Variants in NAALADL2 observed in about 807,000 individuals in gnomAD.
NAALADL2 encodes N-acetylated alpha-linked acidic dipeptidase like 2.
A neutral mutation model predicts 87.2 loss-of-function variants in NAALADL2; 76 were observed. The observed-to-expected ratio is 0.87, with a 90% CI of 0.72 to 1.05. The LOEUF is 1.05. Ranked by LOEUF, NAALADL2 falls within the 50% of genes least tolerant of loss-of-function variation. The pLI, the probability that NAALADL2 is intolerant of heterozygous loss-of-function variation, is 0.00. For synonymous variants in NAALADL2, 354 were observed against 331.0 expected, an observed-to-expected ratio of 1.07 and a Z score of -0.75; for missense variants, 1,089 against 945.8, an observed-to-expected ratio of 1.15 and a Z score of -1.99.
At chr3:174,988,019 G>A (rs1196614862) in intron 1 of NAALADL2, among the ~76,000 whole-genome samples, 1 of 149,542 alleles carries the variant, frequency 6.7e-6, no homozygotes, top group Non-Finnish European at 1.5e-5. Flanking sequence ...TGTAAAATAA[G>A]TTAAGAGTTA....
At chr3:174,648,115 A>T (rs1229068363) in intron 2 of NAALADL2, among the ~76,000 whole-genome samples, 1 of 152,178 alleles carries the variant, frequency 6.6e-6, no homozygotes, top group East Asian at 1.9e-4. Context: ...ATATTTTCAG[A>T]GGGAGAGACC....
At chr3:174,486,835 A>G (rs910720337) in intron 1 of NAALADL2, among the ~76,000 whole-genome samples, 2 of 151,936 alleles carry the variant, frequency 1.3e-5, no homozygotes, top group Non-Finnish European at 2.9e-5. Flanking sequence ...TGTCCATATA[A>G]TACTCCTTCT....
intron 5 of NAALADL2, among the ~76,000 whole-genome samples, chr3:175,378,211 G>A (rs1262950956): frequency 6.6e-6 from 1 of 151,946 alleles, no homozygotes; most frequent in African/African-American, 2.4e-5. Flanking sequence ...CCTGGCTCCT[G>A]CACCTGCTTA....
intron 1 of NAALADL2, among the ~76,000 whole-genome samples, chr3:175,002,822 A>T (rs1748424230): frequency 6.6e-6 from 1 of 152,172 alleles, no homozygotes; most frequent in Admixed American, 6.6e-5. Flanking sequence ...CTGATGAAAC[A>T]GTTTCCTACA....
At chr3:175,724,520 A>G (rs565688513) in intron 11 of NAALADL2, among the ~76,000 whole-genome samples, 135 of 152,264 alleles carry the variant, frequency 8.9e-4, no homozygotes, top group African/African-American at 3.2e-3. Context: ...TTAAAATGTC[A>G]AGTCTCACTT....
At chr3:175,325,410 T>A (rs1418576988) in intron 5 of NAALADL2, among the ~76,000 whole-genome samples, 1 of 152,214 alleles carries the variant, frequency 6.6e-6, no homozygotes, top group African/African-American at 2.4e-5. Context: ...CTTTGTACAG[T>A]CCCATGTCTT....
intron 2 of NAALADL2, among the ~76,000 whole-genome samples, chr3:174,642,281 A>G (rs918334949): frequency 6.6e-6 from 1 of 151,386 alleles, no homozygotes; most frequent in Non-Finnish European, 1.5e-5. Context: ...TGTGTGGATC[A>G]CTTGAGGTCA....
intron 3 of NAALADL2, among the ~76,000 whole-genome samples, chr3:174,746,343 G>T (rs1020003948): frequency 6.6e-6 from 1 of 152,028 alleles, no homozygotes; most frequent in Admixed American, 6.6e-5. Context: ...GCTACAAAGA[G>T]AATAAAATAC....
intron 5 of NAALADL2, among the ~76,000 whole-genome samples, chr3:175,351,899 A>C (rs1285609567): frequency 6.6e-6 from 1 of 152,100 alleles, no homozygotes; most frequent in Non-Finnish European, 1.5e-5. Flanking sequence ...CATAGAAATA[A>C]AGGAGACACT....
At chr3:175,072,706 G>GA (rs1170326807) in intron 1 of NAALADL2, among the ~76,000 whole-genome samples, 9 of 102,196 alleles carry the variant, frequency 8.8e-5, no homozygotes, top group Non-Finnish European at 1.7e-4. Flanking sequence ...GGGGAGGGGG[G>GA]AGGGATAGCA....
At chr3:174,829,101 TTGTTGTTG>T (rs1722323898) in intron 3 of NAALADL2, among the ~76,000 whole-genome samples, 1 of 104,206 alleles carries the variant, frequency 9.6e-6, no homozygotes, top group Non-Finnish European at 2.2e-5. Context: ...TTTTTTTTTG[TTGTTGTTG>T]TTGTTGTTGT....
intron 5 of NAALADL2, among the ~76,000 whole-genome samples, chr3:175,352,894 C>T (rs1188723091): frequency 1.3e-5 from 2 of 151,898 alleles, no homozygotes; most frequent in African/African-American, 4.8e-5. Flanking sequence ...TGAGCTCTCA[C>T]AGGTAACTGA....
At chr3:174,497,972 A>T (rs932901647) in intron 1 of NAALADL2, among the ~76,000 whole-genome samples, 1 of 152,186 alleles carries the variant, frequency 6.6e-6, no homozygotes, top group Non-Finnish European at 1.5e-5. Flanking sequence ...TTCAAGTGAA[A>T]ATTAGTGAAT....
chr3:174,928,001 A>G (rs951845388), intron 1 of NAALADL2, among the ~76,000 whole-genome samples: 3 of 152,208 alleles, frequency 2.0e-5, no homozygotes, highest in Non-Finnish European at 2.9e-5. Flanking sequence ...ACAGATAACT[A>G]TAGCCACCTT....
At chr3:175,709,298 T>G (rs1004104126) in intron 11 of NAALADL2, among the ~76,000 whole-genome samples, 1 of 152,122 alleles carries the variant, frequency 6.6e-6, no homozygotes, top group Non-Finnish European at 1.5e-5. Context: ...TGTGTGTATG[T>G]CATTGGACTG....
At chr3:174,881,929 GA>G (rs773442084) in intron 1 of NAALADL2, among the ~76,000 whole-genome samples, 16 of 152,100 alleles carry the variant, frequency 1.1e-4, no homozygotes, top group Non-Finnish European at 1.9e-4. Context: ...CAGATTTGGG[GA>G]AAGGCCTTTG....
chr3:174,870,114 C>T (rs73041800), intron 1 of NAALADL2, among the ~76,000 whole-genome samples: 2,960 of 149,778 alleles, frequency 0.02, 97 homozygotes, highest in African/African-American at 0.069. Context: ...AGCGTGTGTG[C>T]GTGTGTACGT....
At chr3:175,070,801 C>T (rs1473419937) in intron 1 of NAALADL2, among the ~76,000 whole-genome samples, 1 of 151,838 alleles carries the variant, frequency 6.6e-6, no homozygotes, top group Non-Finnish European at 1.5e-5. Flanking sequence ...TAATCCATCA[C>T]TAATATTTAT....
At chr3:175,570,759 A>G (rs1254945342) in intron 9 of NAALADL2, among the ~76,000 whole-genome samples, 1 of 151,876 alleles carries the variant, frequency 6.6e-6, no homozygotes, top group African/African-American at 2.4e-5. Context: ...GGGCGCCTGT[A>G]GTCCCAGCTA....
Sources: gnomAD v4.1 joint callset for allele counts (sites outside exome capture counted in the v4.1 genomes callset) on GRCh38, gnomAD v4.1.1 for gene constraint, MANE v1.5 for transcripts, NCBI Gene and HGNC (gene_info 2026-07-23, HGNC 2026-07-21) for gene names.